TMEM43: variants seen among roughly 807,000 people sequenced by gnomAD.
The protein encoded by TMEM43 is transmembrane protein 43, also known as arrhythmogenic right ventricular dysplasia 5.
Under a neutral mutation model 49.6 loss-of-function variants are expected in TMEM43, and 45 were observed. That is an observed-to-expected ratio of 0.91 (90% CI 0.71 to 1.16). The LOEUF (loss-of-function observed/expected upper bound fraction) is 1.16. Ranked by LOEUF, TMEM43 falls within the 50% of genes most tolerant of loss-of-function variation. The probability of loss-of-function intolerance (pLI) is 0.00; values close to 1 mark genes in which losing one functional copy is unlikely to be tolerated. For missense variants in TMEM43, 532 were observed against 516.6 expected, an observed-to-expected ratio of 1.03 and a Z score of -0.29; for synonymous variants, 199 against 207.8, an observed-to-expected ratio of 0.96 and a Z score of 0.36.
chr3:14,136,705 G>GT lies in TMEM43; in HGVS notation c.882+798dup, dbSNP rs1031365002. On this transcript the variant is annotated intron_variant, in intron 10 of 11. Coordinates refer to ENST00000306077, the MANE Select transcript of TMEM43 (RefSeq NM_024334.3). ...AGCCCAGAGCGGGGAGAGGGAGTGG[G>GT]TGGGGGGGCTCCACCAAAGTCTGTG... Among the ~76,000 whole-genome samples, 3 of 136,266 alleles carry GT rather than the reference G, an allele frequency of 2.2e-5. 1 individual carries two copies. The allele number at this position is 136,266 out of a possible 152,430, so 89.4% of individuals were successfully genotyped here.
At chr3:14,135,087 G>A (rs541922932) in intron 8 of TMEM43, 71 bp from the exon 9 acceptor site, 21 of 1,518,014 alleles carry the variant, frequency 1.4e-5, no homozygotes, top group Admixed American at 5.1e-5. Context: ...GGGCGTAGCC[G>A]AGGCATCCTG....
Position 14,134,571 on chromosome 3 carries a change from G to A in TMEM43, c.584-199G>A, listed in dbSNP as rs114973407. Among the ~76,000 whole-genome samples, 627 of 152,308 alleles carry A rather than the reference G, an allele frequency of 4.1e-3. 10 individuals are homozygous for A. Among genetic ancestry groups the A allele is most frequent in the African/African-American group, 0.014 (594 of 41,568 alleles). ...GGTCACTCTGACTTGGTGGGAGAGG[G>A]CACAGGGAAAGCTTCCTGGAGGAGA... On this transcript the variant is annotated intron_variant, in intron 7 of 11. Transcript: ENST00000306077.
intron 4 of TMEM43, 130 bp downstream of exon 4, chr3:14,131,804 G>A: frequency 1.3e-6 from 1 of 750,886 alleles, no homozygotes; most frequent in East Asian, 2.7e-5. Context: ...TCAGAAAAGT[G>A]TGAAATGATC....
At position 14,129,434 on chromosome 3, in the gene TMEM43, G is replaced by A. The variant is rs1559359985; in HGVS notation, c.35G>A (p.Arg12Lys). The stretch of plus-strand genomic sequence containing the variant: ...CAGTATTCCAGTACCAGTACCCGGA[G>A]AGAACATGTCAAAGTTAAAACCAGC... ...AANYSSTSTR[R>K]EHVKVKTSSQ... is the part of the protein sequence containing the mutation. The change falls in exon 2 of 12, where the codon AGA becomes AAA. Residue 12 changes from arginine to lysine, a missense_variant. Arg to Lys is a conservative substitution (Grantham distance 26). Coordinates refer to ENST00000306077, the MANE Select transcript of TMEM43 (RefSeq NM_024334.3). 2 of 1,613,442 alleles carry A rather than the reference G, an allele frequency of 1.2e-6. No individual in the cohort carries two copies.
rs1559362012 is a variant in TMEM43, at chr3:14,135,375, CGCT to C, written c.780+144_780+146del. On this transcript the variant is annotated intron_variant, in intron 9 of 11. Coordinates refer to ENST00000306077, the MANE Select transcript of TMEM43 (RefSeq NM_024334.3). ...TCTCGCACACACTCTCAGCCAGGCA[CGCT>C]TCTGAGCAGTTTCAGAGCTCCCATG... 3 of 745,236 alleles carry C rather than the reference CGCT, an allele frequency of 4.0e-6. No individual in the cohort carries two copies. In the African/African-American group the frequency reaches 5.2e-5, roughly 13 times the overall value. The allele number at this position is 745,236 out of a possible 1,614,324, so 46.2% of individuals were successfully genotyped here.
At chr3:14,140,093 AC>A (rs942934914) in intron 11 of TMEM43, among the ~76,000 whole-genome samples, 5 of 152,210 alleles carry the variant, frequency 3.3e-5, no homozygotes, top group African/African-American at 1.2e-4. Flanking sequence ...GTCTGGCTGC[AC>A]ATCTTGGGCT....
At chr3:14,125,277 C>T in intron 1 of TMEM43, 72 bp downstream of exon 1, 2 of 1,546,078 alleles carry the variant, frequency 1.3e-6, no homozygotes, top group Non-Finnish European at 1.7e-6. Context: ...CCGGGGTCCT[C>T]TAGGTCCATT....
chr3:14,125,135 T>G lies in TMEM43; in HGVS notation c.-59T>G. On this transcript the variant is annotated 5_prime_UTR_variant, in exon 1 of 12. Coordinates refer to ENST00000306077, the MANE Select transcript of TMEM43 (RefSeq NM_024334.3). Reference sequence around the variant, plus strand: ...GAGGCCGCTGGACACCACGCTCCAGTCGTCAGCCCACTTCCTAGCTGAACA... The same window carrying G: ...GAGGCCGCTGGACACCACGCTCCAGGCGTCAGCCCACTTCCTAGCTGAACA... 1 of 1,604,300 alleles carries G rather than the reference T, an allele frequency of 6.2e-7. No individual in the cohort carries two copies. Among genetic ancestry groups the G allele is most frequent in the Middle Eastern group, 1.7e-4 (1 of 6,052 alleles).
intron 10 of TMEM43, 64 bp from the exon 11 acceptor site, chr3:14,139,116 G>A: frequency 8.2e-7 from 1 of 1,224,570 alleles, no homozygotes; most frequent in Non-Finnish European, 1.2e-6. Context: ...CTCAGGACCT[G>A]CCCTGCCGAC....
rs752588115 is a variant in TMEM43, at chr3:14,131,628, C to A, written c.346C>A (p.Arg116=). 2 of 1,614,142 alleles carry A rather than the reference C, an allele frequency of 1.2e-6. No homozygotes were observed. The highest frequency in any genetic ancestry group is 1.1e-5 in the South Asian group (1 of 91,076). The change falls in exon 4 of 12, where the codon CGG becomes AGG. Residue 116 remains arginine, a synonymous_variant. Coordinates refer to ENST00000306077, the MANE Select transcript of TMEM43 (RefSeq NM_024334.3). The part of the protein sequence containing the change: ...YGVHLPAVKL[R]RHVEMYQWVE... The stretch of plus-strand genomic sequence containing the variant: ...GGTCCATCTTCCGGCTGTGAAACTG[C>A]GGAGGCACGTGGAGATGTACCAATG...
intron 3 of TMEM43, 36 bp from the exon 4 acceptor site, chr3:14,131,544 C>T (rs756312241): frequency 1.3e-6 from 2 of 1,579,512 alleles, no homozygotes; most frequent in Admixed American, 1.7e-5. Flanking sequence ...TGAATGTTAT[C>T]CTTTATTTTT....
intron 5 of TMEM43, 53 bp downstream of exon 5, chr3:14,132,648 G>C: frequency 1.3e-6 from 2 of 1,596,540 alleles, no homozygotes; most frequent in South Asian, 1.1e-5. Context: ...GCCCACAGTG[G>C]TGGCTGGACA....
intron 11 of TMEM43, 41 bp downstream of exon 11, chr3:14,139,338 T>A (rs369827356): frequency 7.3e-7 from 1 of 1,379,128 alleles, no homozygotes; most frequent in Non-Finnish European, 1.0e-6. Context: ...TCCTGCACCC[T>A]GAAAGGGCCT....
chr3:14,141,937 G>A lies in TMEM43; in HGVS notation c.*142G>A. ...CCTCTCCTCTTCAGGGGCCAGACTT[G>A]GCAGCATGTGCACCAGGTTGGTGTT... On this transcript the variant is annotated 3_prime_UTR_variant, in exon 12 of 12. Transcript: ENST00000306077. 1.3e-6 allele frequency: 1 copy of A among 766,726 alleles called. No homozygotes were observed. Among genetic ancestry groups the A allele is most frequent in the Non-Finnish European group, 2.1e-6 (1 of 483,022 alleles). The allele number at this position is 766,726 out of a possible 1,614,324, so 47.5% of individuals were successfully genotyped here.
At chr3:14,134,651 G>A (rs1363884185) in intron 7 of TMEM43, 119 bp from the exon 8 acceptor site, 1 of 1,332,956 alleles carries the variant, frequency 7.5e-7, no homozygotes, top group African/African-American at 1.4e-5. Flanking sequence ...AGGCACTGCA[G>A]GTGGGAGTGC....
At position 14,129,581 on chromosome 3, in the gene TMEM43, C is replaced by G; in HGVS notation, c.162+20C>G. 1 of 1,613,832 alleles carries G rather than the reference C, an allele frequency of 6.2e-7. No individual in the cohort carries two copies. The highest frequency in any genetic ancestry group is 8.5e-7 in the Non-Finnish European group (1 of 1,179,850). The stretch of plus-strand genomic sequence containing the variant: ...AATGAGGTAAAATGTCTGGGGTCTT[C>G]CTGTGCAGAGTGAGAGTCCCCACCA... On this transcript the variant is annotated intron_variant, in intron 2 of 11. Coordinates refer to ENST00000306077, the MANE Select transcript of TMEM43 (RefSeq NM_024334.3).
At position 14,135,196 on chromosome 3, in the gene TMEM43, G is replaced by A. The variant is rs533455369; in HGVS notation, c.744G>A (p.Leu248=). Reference sequence around the variant, plus strand: ...GTGTCTCCTTTTCCTATGCTGGACTGAGCGGCGATGACCCTGACCTGGGCC... The same window carrying A: ...GTGTCTCCTTTTCCTATGCTGGACTAAGCGGCGATGACCCTGACCTGGGCC... ...DLRVSFSYAG[L]SGDDPDLGPA... is the part of the protein sequence containing the mutation. The change falls in exon 9 of 12, where the codon CTG becomes CTA. Residue 248 remains leucine, a synonymous_variant. Transcript: ENST00000306077. 6.2e-7 allele frequency: 1 copy of A among 1,612,772 alleles called. No homozygotes were observed. Among genetic ancestry groups the A allele is most frequent in the South Asian group, 1.1e-5 (1 of 91,090 alleles).
chr3:14,136,898 T>C (rs1215245326), intron 10 of TMEM43, among the ~76,000 whole-genome samples: 1 of 149,070 alleles, frequency 6.7e-6, no homozygotes, highest in Non-Finnish European at 1.5e-5. Flanking sequence ...TAGCCTGTCT[T>C]CTCTAGGCAG....
chr3:14,127,015 C>A (rs536222243), intron 1 of TMEM43, among the ~76,000 whole-genome samples: 1 of 152,270 alleles, frequency 6.6e-6, no homozygotes, highest in East Asian at 1.9e-4. Flanking sequence ...CAGTTCTGTC[C>A]ATTTCCAGGG....
Sources: gnomAD v4.1 joint callset for allele counts (sites outside exome capture counted in the v4.1 genomes callset) on GRCh38, gnomAD v4.1.1 for gene constraint, MANE v1.5 for transcripts, NCBI Gene and HGNC (gene_info 2026-07-23, HGNC 2026-07-21) for gene names.